NDST4: variants seen among roughly 807,000 people sequenced by gnomAD.
The protein encoded by NDST4 is N-heparan sulfate sulfotransferase 4.
A neutral mutation model predicts 100.8 loss-of-function variants in NDST4; 63 were observed. The observed-to-expected ratio is 0.62, with a 90% CI of 0.51 to 0.77. NDST4 has a LOEUF of 0.77. Ranked by LOEUF, NDST4 falls within the 30% of genes least tolerant of loss-of-function variation. The pLI is 0.00. For missense variants in NDST4, 943 were observed against 1,018.4 expected (o/e 0.93, Z 1.01); for synonymous variants, 377 against 361.8 (o/e 1.04, Z -0.48).
At chr4:115,033,723 G>T (rs1231520855) in intron 2 of NDST4, among the ~76,000 whole-genome samples, 2 of 152,012 alleles carry the variant, frequency 1.3e-5, no homozygotes, top group Admixed American at 1.3e-4. Context: ...ACCATTAGTG[G>T]CAGGTTGGTT....
chr4:115,057,364 G>T (rs2126281712), intron 2 of NDST4, among the ~76,000 whole-genome samples: 1 of 152,014 alleles, frequency 6.6e-6, no homozygotes, highest in African/African-American at 2.4e-5. Context: ...GAGAAAAGGA[G>T]AAAATGAGGG....
chr4:115,017,737 G>C (rs1727709805), intron 2 of NDST4, among the ~76,000 whole-genome samples: 1 of 151,958 alleles, frequency 6.6e-6, no homozygotes, highest in Non-Finnish European at 1.5e-5. Flanking sequence ...AGTTATTTAG[G>C]AACAAAAAGG....
chr4:115,018,877 C>A (rs78715073), intron 2 of NDST4, among the ~76,000 whole-genome samples: 206 of 151,994 alleles, frequency 1.4e-3, no homozygotes, highest in Middle Eastern at 0.01. Flanking sequence ...ACTTATCTTT[C>A]ATTTCAGAAA....
intron 2 of NDST4, among the ~76,000 whole-genome samples, chr4:115,025,395 T>C (rs1027591067): frequency 1.3e-5 from 2 of 152,200 alleles, no homozygotes; most frequent in Non-Finnish European, 2.9e-5. Flanking sequence ...ACCTGGAGAA[T>C]GTCTGACTTC....
chr4:114,976,373 C>T (rs189913549), intron 3 of NDST4, among the ~76,000 whole-genome samples: 1 of 152,078 alleles, frequency 6.6e-6, no homozygotes, highest in African/African-American at 2.4e-5. Flanking sequence ...AACACAGGCC[C>T]CAACACATAG....
chr4:114,933,475 C>T (rs1725560526), intron 6 of NDST4, among the ~76,000 whole-genome samples: 1 of 114,502 alleles, frequency 8.7e-6, no homozygotes, highest in Non-Finnish European at 1.7e-5. Flanking sequence ...ACCCAAAAGC[C>T]CAGACAACAG....
At chr4:115,096,958 T>C (rs1729631263) in intron 1 of NDST4, among the ~76,000 whole-genome samples, 1 of 152,132 alleles carries the variant, frequency 6.6e-6, no homozygotes, top group Non-Finnish European at 1.5e-5. Flanking sequence ...TTACTTTACC[T>C]ATAAGCGGCA....
At chr4:115,074,437 C>T (rs986003046) in intron 2 of NDST4, among the ~76,000 whole-genome samples, 3 of 151,928 alleles carry the variant, frequency 2.0e-5, no homozygotes, top group Non-Finnish European at 4.4e-5. Context: ...TAACTGTCCT[C>T]TTGTTAAGCC....
intron 6 of NDST4, among the ~76,000 whole-genome samples, chr4:114,916,536 C>G (rs866720904): frequency 4.0e-4 from 51 of 129,042 alleles, no homozygotes; most frequent in African/African-American, 1.3e-3. Flanking sequence ...CTGGTAGGCT[C>G]TGTGTGTGTG....
chr4:115,006,132 T>G (rs1019436334), intron 2 of NDST4, among the ~76,000 whole-genome samples: 4 of 136,968 alleles, frequency 2.9e-5, no homozygotes, highest in Admixed American at 7.1e-5. Flanking sequence ...AAAAAAGAAA[T>G]AAATAGGTAT....
chr4:114,995,605 C>A (rs531399876), intron 2 of NDST4, among the ~76,000 whole-genome samples: 16 of 152,158 alleles, frequency 1.1e-4, no homozygotes, highest in African/African-American at 3.6e-4. Context: ...TGATGTTAAA[C>A]AATCCTGATA....
At position 115,022,066 on chromosome 4, in the gene NDST4, A is replaced by ACG. The variant is rs1214076649; in HGVS notation, c.979-44793_979-44792insCG. On this transcript the variant is annotated intron_variant, in intron 2 of 13. Coordinates refer to ENST00000264363, the MANE Select transcript of NDST4 (RefSeq NM_022569.3). Reference sequence around the variant, plus strand: ...CCATATCTCTATGTTCCATATATACATTCCACGTCTATACACGTTCCATAT... The same window carrying ACG: ...CCATATCTCTATGTTCCATATATACACGTTCCACGTCTATACACGTTCCATAT... Among the ~76,000 whole-genome samples, 15 of 151,738 alleles carry ACG rather than the reference A, an allele frequency of 9.9e-5. 1 individual carries two copies. The highest frequency in any genetic ancestry group is 3.6e-4 in the African/African-American group (15 of 41,332).
intron 2 of NDST4, among the ~76,000 whole-genome samples, chr4:114,994,939 T>C (rs1727127439): frequency 7.4e-6 from 1 of 134,578 alleles, no homozygotes; most frequent in South Asian, 2.7e-4. Context: ...TTGACTAAAT[T>C]ATCTGCTTTT....
chr4:115,039,485 A>G (rs1728303372), intron 2 of NDST4, among the ~76,000 whole-genome samples: 1 of 152,204 alleles, frequency 6.6e-6, no homozygotes, highest in Admixed American at 6.5e-5. Context: ...AAGAAGTGAA[A>G]ATAGGACAAA....
intron 6 of NDST4, among the ~76,000 whole-genome samples, chr4:114,906,418 C>T (rs1004969161): frequency 1.3e-5 from 2 of 151,620 alleles, no homozygotes; most frequent in African/African-American, 4.8e-5. Flanking sequence ...GGAGATTATT[C>T]CATAGATAAG....
chr4:115,037,785 A>G (rs1728264961), intron 2 of NDST4, among the ~76,000 whole-genome samples: 1 of 152,168 alleles, frequency 6.6e-6, no homozygotes. Context: ...AGCAGTATTG[A>G]TTCAGGTATT....
At chr4:115,007,249 C>T (rs958164066) in intron 2 of NDST4, among the ~76,000 whole-genome samples, 1 of 152,144 alleles carries the variant, frequency 6.6e-6, no homozygotes, top group Non-Finnish European at 1.5e-5. Flanking sequence ...AACCAGTAAA[C>T]ATGCAGCTGT....
At chr4:115,079,347 G>A (rs1179118139) in intron 1 of NDST4, among the ~76,000 whole-genome samples, 3 of 136,958 alleles carry the variant, frequency 2.2e-5, no homozygotes, top group South Asian at 2.2e-4. Context: ...GGCAACAAGA[G>A]CAAAACTCTG....
At chr4:115,041,402 G>C (rs1049802689) in intron 2 of NDST4, among the ~76,000 whole-genome samples, 1 of 151,920 alleles carries the variant, frequency 6.6e-6, no homozygotes, top group African/African-American at 2.4e-5. Flanking sequence ...TATTTATAAA[G>C]TGCCTCAGCC....
Sources: allele counts gnomAD v4.1 joint callset (sites outside exome capture counted in the v4.1 genomes callset), GRCh38; gene constraint gnomAD v4.1.1; transcripts MANE v1.5; gene names NCBI Gene and HGNC (gene_info 2026-07-23, HGNC 2026-07-21).